MSRB2: variants seen among roughly 807,000 people sequenced by gnomAD.
MSRB2 encodes methionine sulfoxide reductase B2.
In MSRB2, 17 loss-of-function variants were observed where a neutral mutation model predicts 19.0. The ratio of observed to expected loss-of-function variants is 0.89; its 90% confidence interval spans 0.61 to 1.34. The LOEUF (loss-of-function observed/expected upper bound fraction) is 1.34. MSRB2 is among the 40% of genes most tolerant of loss of function. MSRB2 has a pLI of 0.00. For synonymous variants in MSRB2, 107 were observed against 99.7 expected (o/e 1.07, Z -0.44); for missense variants, 208 against 237.6 (o/e 0.88, Z 0.82).
intron 1 of MSRB2, among the ~76,000 whole-genome samples, chr10:23,097,041 G>T (rs961501190): frequency 6.6e-6 from 1 of 152,204 alleles, no homozygotes; most frequent in Non-Finnish European, 1.5e-5. Context: ...CCCCTCCTGG[G>T]AATCTATTCG....
In MSRB2 at chr10:23,110,227, C is replaced by T. The variant is rs779657759; in HGVS notation, c.220-15C>T. 27 of 1,605,404 alleles carry T rather than the reference C, an allele frequency of 1.7e-5. No individual in the cohort carries two copies. The highest frequency in any genetic ancestry group is 2.3e-5 in the Non-Finnish European group (27 of 1,172,426). Reference sequence around the variant, plus strand: ...TATGAGAAATCTGAACATGACATATCTAATTTACTTTCAGCCTTTCAGTGG... The same window carrying T: ...TATGAGAAATCTGAACATGACATATTTAATTTACTTTCAGCCTTTCAGTGG... On this transcript the variant is annotated splice_polypyrimidine_tract_variant and intron_variant, in intron 2 of 4. Coordinates refer to ENST00000376510, the MANE Select transcript of MSRB2 (RefSeq NM_012228.4).
At chr10:23,096,064 C>T (rs982602630) in intron 1 of MSRB2, among the ~76,000 whole-genome samples, 2 of 151,980 alleles carry the variant, frequency 1.3e-5, no homozygotes, top group Admixed American at 6.5e-5. Context: ...GGCGAAGGCC[C>T]GGGGCCTGGG....
chr10:23,112,884 G>A (rs1246708972), intron 3 of MSRB2, among the ~76,000 whole-genome samples: 3 of 152,256 alleles, frequency 2.0e-5, no homozygotes, highest in East Asian at 1.9e-4. Context: ...GCACCCGGGC[G>A]TAATGATGTG....
chr10:23,105,642 G>T (rs1397015657), intron 2 of MSRB2, among the ~76,000 whole-genome samples: 2 of 152,164 alleles, frequency 1.3e-5, no homozygotes, highest in African/African-American at 4.8e-5. Flanking sequence ...ATTGAACTTT[G>T]TTATTAGATA....
chr10:23,115,611 G>C (rs978982217), intron 3 of MSRB2, among the ~76,000 whole-genome samples: 3 of 152,136 alleles, frequency 2.0e-5, no homozygotes, highest in Admixed American at 2.0e-4. Context: ...AAATCCCTTA[G>C]AGTATATGAT....
At chr10:23,116,489 T>C (rs1434692876) in intron 3 of MSRB2, among the ~76,000 whole-genome samples, 1 of 152,178 alleles carries the variant, frequency 6.6e-6, no homozygotes, top group Admixed American at 6.5e-5. Flanking sequence ...ATGACCTATG[T>C]TTATTTGGGG....
At chr10:23,102,305 A>G (rs529632272) in intron 1 of MSRB2, among the ~76,000 whole-genome samples, 2 of 152,330 alleles carry the variant, frequency 1.3e-5, no homozygotes, top group Admixed American at 1.3e-4. Context: ...ACTGCAAGAC[A>G]GTTTTCCTCT....
At chr10:23,098,077 T>C (rs1357800470) in intron 1 of MSRB2, among the ~76,000 whole-genome samples, 1 of 152,192 alleles carries the variant, frequency 6.6e-6, no homozygotes, top group African/African-American at 2.4e-5. Flanking sequence ...ATATTCTTTC[T>C]AGAGATGACT....
intron 3 of MSRB2, among the ~76,000 whole-genome samples, chr10:23,116,832 G>A (rs1223861066): frequency 6.6e-6 from 1 of 152,150 alleles, no homozygotes; most frequent in Non-Finnish European, 1.5e-5. Flanking sequence ...GTGTAGGGGT[G>A]CATGACTTCA....
At chr10:23,118,680 G>A (rs1840144795) in intron 3 of MSRB2, among the ~76,000 whole-genome samples, 2 of 152,146 alleles carry the variant, frequency 1.3e-5, no homozygotes, top group Admixed American at 6.5e-5. Context: ...ACCGTGCTAA[G>A]CTTTATGTCA....
In MSRB2 at chr10:23,095,658, C is replaced by T. The variant is rs779826374; in HGVS notation, c.50C>T (p.Pro17Leu). The T allele has an allele frequency of 1.2e-5, 17 of 1,424,010 alleles. No homozygotes were observed. The African/African-American group carries it at 2.1e-4, about 18-fold the overall frequency. The allele number at this position is 1,424,010 out of a possible 1,614,324, so 88.2% of individuals were successfully genotyped here. A position where few individuals can be genotyped will look rare whatever the true frequency, so the allele number is the denominator to read the frequency against. Residue 17 changes from proline (P) to leucine (L), a missense_variant, in exon 1 of 5, where the codon CCT (proline) becomes CTT (leucine). Pro to Leu is a moderately conservative substitution (Grantham distance 98). Coordinates refer to ENST00000376510, the MANE Select transcript of MSRB2 (RefSeq NM_012228.4). ...LLRGLTLGTA[P>L]RRAVRGQAGG... ...CGGGGCCTGACCCTCGGAACTGCGC[C>T]TCGGCGGGCGGTGCGGGGCCAAGCG...
rs554458342 is a variant in MSRB2, at chr10:23,095,785, G to C, written c.118+59G>C. On this transcript the variant is annotated intron_variant, in intron 1 of 4. Coordinates refer to ENST00000376510, the MANE Select transcript of MSRB2 (RefSeq NM_012228.4). ...CTACGGCTTTCGGCTTCATTTCACC[G>C]GCTGCACCCGGGAGCCTAGGGCCGG... is the stretch of plus-strand genomic sequence containing the variant. 9.3e-5 allele frequency: 107 copies of C among 1,144,396 alleles called. No homozygotes were observed. In the African/African-American group the frequency reaches 1.6e-3, roughly 17 times the overall value. The allele number at this position is 1,144,396 out of a possible 1,614,324, so 70.9% of individuals were successfully genotyped here. A position where few individuals can be genotyped will look rare whatever the true frequency, so the allele number is the denominator to read the frequency against.
At chr10:23,104,049 G>A (rs915014348) in intron 1 of MSRB2, 95 bp from the exon 2 acceptor site, 1 of 926,678 alleles carries the variant, frequency 1.1e-6, no homozygotes, top group African/African-American at 1.7e-5. Context: ...GGATTATTCT[G>A]CTGGGTGACA....
In MSRB2 at chr10:23,114,810, C is replaced by G. The variant is rs117019383; in HGVS notation, c.296+4492C>G. On this transcript the variant is annotated intron_variant, in intron 3 of 4. Transcript: ENST00000376510. ...GGTTCTGCAGCTTACAGGTAGCCAG[C>G]CAAAATATGAACCCACAGTTTTGGA... Among the ~76,000 whole-genome samples the G allele has an allele frequency of 3.1e-3, 469 of 152,310 alleles. 13 individuals are homozygous for G. The East Asian group carries it at 0.059, about 19-fold the overall frequency.
intron 2 of MSRB2, among the ~76,000 whole-genome samples, chr10:23,108,966 A>T (rs1392159718): frequency 2.0e-5 from 3 of 152,256 alleles, no homozygotes; most frequent in Non-Finnish European, 4.4e-5. Flanking sequence ...TCTTTTATAC[A>T]GCTCACTGCA....
intron 3 of MSRB2, among the ~76,000 whole-genome samples, chr10:23,114,912 C>T (rs1372650643): frequency 6.6e-6 from 1 of 152,164 alleles, no homozygotes; most frequent in African/African-American, 2.4e-5. Context: ...GGTGCCATCG[C>T]CTTTTGGTGC....
chr10:23,099,885 G>C (rs1359088197), intron 1 of MSRB2, among the ~76,000 whole-genome samples: 1 of 152,256 alleles, frequency 6.6e-6, no homozygotes, highest in Non-Finnish European at 1.5e-5. Flanking sequence ...ATGTTTTAAA[G>C]CTCAATTCAT....
At chr10:23,101,952 G>A (rs941726245) in intron 1 of MSRB2, among the ~76,000 whole-genome samples, 4 of 152,144 alleles carry the variant, frequency 2.6e-5, no homozygotes, top group Non-Finnish European at 5.9e-5. Context: ...TGTCAAAACT[G>A]TCTCTGTCTT....
chr10:23,105,210 GTC>G (rs1226284927), intron 2 of MSRB2, among the ~76,000 whole-genome samples: 303 of 131,592 alleles, frequency 2.3e-3, no homozygotes, highest in African/African-American at 7.3e-3. Flanking sequence ...CTCTCTGTGT[GTC>G]TGTGTGTGTG....
Sources: allele counts gnomAD v4.1 joint callset (sites outside exome capture counted in the v4.1 genomes callset), GRCh38; gene constraint gnomAD v4.1.1; transcripts MANE v1.5; gene names NCBI Gene and HGNC (gene_info 2026-07-23, HGNC 2026-07-21).